Variants in STXBP4 observed in about 807,000 individuals in gnomAD.
STXBP4 encodes syntaxin binding protein 4.
A neutral mutation model predicts 76.1 loss-of-function variants in STXBP4; 55 were observed. That is an observed-to-expected ratio of 0.72 (90% CI 0.58 to 0.91). The LOEUF (loss-of-function observed/expected upper bound fraction) is 0.91. Among genes scored for constraint, STXBP4 ranks in the 40% least tolerant of loss-of-function variants. STXBP4 has a pLI of 0.00. For missense variants in STXBP4, 618 were observed against 636.9 expected (o/e 0.97, Z 0.32); for synonymous variants, 201 against 220.2 (o/e 0.91, Z 0.77).
At chr17:55,185,254 T>TCTTCTTCTTCTC in the STXBP4 span, among the ~76,000 whole-genome samples, 1 of 50,480 alleles carries the variant, frequency 2.0e-5, no homozygotes, top group African/African-American at 9.6e-5. Context: ...TTCTTCTCCT[T>TCTTCTTCTTCTC]CTCCTTCTCC....
chr17:55,121,464 T>G (rs2079843017), intron 16 of STXBP4, among the ~76,000 whole-genome samples: 1 of 152,156 alleles, frequency 6.6e-6, no homozygotes, highest in Admixed American at 6.5e-5. Context: ...AACCACAATC[T>G]TGAGAAAATA....
rs2080416956 is a variant in STXBP4, at chr17:55,173,418, G to A, written c.*13507G>A. On this transcript the variant is annotated 3_prime_UTR_variant, in exon 18 of 18. Transcript: ENST00000376352. ...TCGAGAATATCATATAAATAATCAT[G>A]TATTATGTAACATTCTGAGACAGGC... The A allele has an allele frequency of 6.6e-6, 1 of 152,142 alleles. No individual in the cohort carries two copies. The highest frequency in any genetic ancestry group is 1.5e-5 in the Non-Finnish European group (1 of 68,028). The allele number at this position is 152,142 out of a possible 1,614,324, so 9.4% of individuals were successfully genotyped here.
intron 16 of STXBP4, among the ~76,000 whole-genome samples, chr17:55,135,378 AAAC>A (rs1236072118): frequency 6.6e-6 from 1 of 152,072 alleles, no homozygotes; most frequent in Admixed American, 6.6e-5. Flanking sequence ...TTTTTTCCTC[AAAC>A]AACAATGATG....
Position 55,139,054 on chromosome 17 carries a change from CATGTTATTTAAT to C in STXBP4, c.1490-2252_1490-2241del, listed in dbSNP as rs1289194536. Among the ~76,000 whole-genome samples the C allele has an allele frequency of 5.3e-5, 8 of 152,180 alleles. No homozygotes were observed. The East Asian group carries it at 1.5e-3, about 29-fold the overall frequency. On this transcript the variant is annotated intron_variant, in intron 16 of 17. Coordinates refer to ENST00000376352, the MANE Select transcript of STXBP4 (RefSeq NM_178509.6). Reference sequence around the variant, plus strand: ...AGAACATCTTCTAAAATAAGTTATACATGTTATTTAATATGCAGGGATATCTTTATGGCTGCA... The same window carrying C: ...AGAACATCTTCTAAAATAAGTTATACATGCAGGGATATCTTTATGGCTGCA...
intron 13 of STXBP4, among the ~76,000 whole-genome samples, chr17:55,073,340 G>A (rs2079144593): frequency 6.6e-6 from 1 of 152,056 alleles, no homozygotes; most frequent in Admixed American, 6.6e-5. Flanking sequence ...ATTAAGTCCT[G>A]GAACTCTTTA....
the STXBP4 span, among the ~76,000 whole-genome samples, chr17:55,185,062 G>A: frequency 6.6e-6 from 1 of 152,138 alleles, no homozygotes; most frequent in East Asian, 1.9e-4. Context: ...GTAGAGATGA[G>A]GTCTTGCTTC....
intron 16 of STXBP4, among the ~76,000 whole-genome samples, chr17:55,137,270 ATGTT>A (rs755893856): frequency 2.6e-4 from 38 of 144,436 alleles, no homozygotes; most frequent in Admixed American, 1.2e-3. Flanking sequence ...CCACACCTCC[ATGTT>A]CCCTCCCTCC....
At chr17:55,190,942 G>A in the STXBP4 span, among the ~76,000 whole-genome samples, 17 of 152,232 alleles carry the variant, frequency 1.1e-4, no homozygotes, top group Admixed American at 2.6e-4. Context: ...GAGAATGACC[G>A]TAGCAGTAAA....
the STXBP4 span, among the ~76,000 whole-genome samples, chr17:55,203,670 A>C: frequency 6.6e-6 from 1 of 152,178 alleles, no homozygotes; most frequent in Admixed American, 6.5e-5. Flanking sequence ...AATTTCTACC[A>C]ATCATACACA....
At chr17:55,130,984 A>C (rs1487062019) in intron 16 of STXBP4, among the ~76,000 whole-genome samples, 1 of 152,246 alleles carries the variant, frequency 6.6e-6, no homozygotes, top group East Asian at 1.9e-4. Flanking sequence ...TAACATGGGC[A>C]TTCAGACATC....
At chr17:55,137,293 C>T (rs244315) in intron 16 of STXBP4, among the ~76,000 whole-genome samples, 40,170 of 149,000 alleles carry the variant, frequency 0.27, 5,804 homozygotes, top group African/African-American at 0.31. Context: ...CCCTCCCTCC[C>T]TCCCTCTGTC....
At position 55,086,554 on chromosome 17, in the gene STXBP4, C is replaced by T. The variant is rs79377166; in HGVS notation, c.1489+5371C>T. The stretch of plus-strand genomic sequence containing the variant: ...AATCTCTCCCTATCCCCCTGTTCTC[C>T]GTGTCCTTCCAGTCTCTAGTACCCT... On this transcript the variant is annotated intron_variant, in intron 16 of 17. Transcript: ENST00000376352. 4.8e-3 allele frequency among the ~76,000 whole-genome samples: 729 copies of T among 152,194 alleles called. 7 individuals are homozygous for T. Among genetic ancestry groups the T allele is most frequent in the African/African-American group, 0.013 (522 of 41,532 alleles).
intron 8 of STXBP4, among the ~76,000 whole-genome samples, chr17:55,018,263 G>A (rs971272525): frequency 7.2e-5 from 11 of 152,178 alleles, no homozygotes; most frequent in Admixed American, 3.9e-4. Flanking sequence ...CCTTTAGCCC[G>A]ATCAGGAACG....
chr17:55,108,727 A>G (rs1223896012), intron 16 of STXBP4, among the ~76,000 whole-genome samples: 5 of 151,978 alleles, frequency 3.3e-5, no homozygotes, highest in Non-Finnish European at 7.4e-5. Context: ...CTCACCCTCC[A>G]TGGGCTGCAC....
chr17:55,186,015 G>T, the STXBP4 span, among the ~76,000 whole-genome samples: 2 of 152,170 alleles, frequency 1.3e-5, no homozygotes, highest in African/African-American at 4.8e-5. Context: ...AGATGATGGT[G>T]CATAACAGGG....
At chr17:55,159,082 T>C (rs1012613159) in intron 17 of STXBP4, among the ~76,000 whole-genome samples, 1 of 152,042 alleles carries the variant, frequency 6.6e-6, no homozygotes, top group Non-Finnish European at 1.5e-5. Flanking sequence ...CTATCTCTAC[T>C]AATAATACAA....
intron 13 of STXBP4, 25 bp from the exon 14 acceptor site, chr17:55,078,053 T>C: frequency 6.9e-7 from 1 of 1,452,562 alleles, no homozygotes; most frequent in Non-Finnish European, 9.5e-7. Context: ...AATGTGTAAA[T>C]GCTCCTTTTG....
chr17:54,986,997 G>T (rs935171087), intron 3 of STXBP4, among the ~76,000 whole-genome samples: 1 of 152,182 alleles, frequency 6.6e-6, no homozygotes, highest in Non-Finnish European at 1.5e-5. Flanking sequence ...GGTAGCAGAA[G>T]CACAGGTGTT....
chr17:55,053,086 A>C (rs534538931), intron 12 of STXBP4, among the ~76,000 whole-genome samples: 2 of 151,996 alleles, frequency 1.3e-5, no homozygotes, highest in Middle Eastern at 6.8e-3. Context: ...CCTCTACCGG[A>C]ATGGGAAAAA....
Sources: gnomAD v4.1 joint callset for allele counts (sites outside exome capture counted in the v4.1 genomes callset) on GRCh38, gnomAD v4.1.1 for gene constraint, MANE v1.5 for transcripts, NCBI Gene and HGNC (gene_info 2026-07-23, HGNC 2026-07-21) for gene names.